Variants in MSH3 observed in about 807,000 individuals in gnomAD.
MSH3 encodes the protein DNA mismatch repair protein Msh3.
In MSH3, 106 loss-of-function variants were observed where a neutral mutation model predicts 123.3. The observed-to-expected ratio is 0.86, with a 90% CI of 0.73 to 1.01. The LOEUF (loss-of-function observed/expected upper bound fraction) is 1.01, where lower values mean the gene tolerates loss of function less well. MSH3 is among the 50% of genes least tolerant of loss of function. The pLI is 0.00. For missense variants in MSH3, 1,459 were observed against 1,347.6 expected, an observed-to-expected ratio of 1.08 and a Z score of -1.29; for synonymous variants, 515 against 481.4, an observed-to-expected ratio of 1.07 and a Z score of -0.91.
intron 20 of MSH3, among the ~76,000 whole-genome samples, chr5:80,837,983 G>A (rs1031923152): frequency 2.0e-5 from 3 of 152,198 alleles, no homozygotes; most frequent in Non-Finnish European, 2.9e-5. Flanking sequence ...AGCTCCTAGA[G>A]GATGCTTGCA....
intron 8 of MSH3, among the ~76,000 whole-genome samples, chr5:80,710,364 C>G (rs1750835198): frequency 6.6e-6 from 1 of 152,302 alleles, no homozygotes; most frequent in South Asian, 2.1e-4. Flanking sequence ...CTTCCTTCAC[C>G]TTTACTTTTG....
At position 80,810,945 on chromosome 5, in the gene MSH3, C is replaced by T. The variant is rs1211827377; in HGVS notation, c.2656-2639C>T. ...CTAAAATCTGAAATGCTCCAATGAG[C>T]ATTTCTTTTGAGCATCATATTGTTG... On this transcript the variant is annotated intron_variant, in intron 19 of 23. Coordinates refer to ENST00000265081, the MANE Select transcript of MSH3 (RefSeq NM_002439.5). Among the ~76,000 whole-genome samples, 3 of 151,796 alleles carry T rather than the reference C, an allele frequency of 2.0e-5. No homozygotes were observed. The South Asian group carries it at 6.2e-4, about 32-fold the overall frequency.
chr5:80,710,256 T>C (rs779490301), intron 8 of MSH3, among the ~76,000 whole-genome samples: 3 of 152,180 alleles, frequency 2.0e-5, no homozygotes, highest in South Asian at 2.1e-4. Context: ...ATACAATTAC[T>C]AAGTGGCAAA....
rs1031489545 is a variant in MSH3, at chr5:80,795,038, CT to C, written c.2655+2196del. On this transcript the variant is annotated intron_variant, in intron 19 of 23. Coordinates refer to ENST00000265081, the MANE Select transcript of MSH3 (RefSeq NM_002439.5). ...TTAGAAACAGAAGTACTAAGGAACT[CT>C]TCTGAGGACAGTGAAAGAATTGAGA... Among the ~76,000 whole-genome samples the C allele has an allele frequency of 2.0e-5, 3 of 149,298 alleles. No individual in the cohort carries two copies. The East Asian group carries it at 5.8e-4, about 29-fold the overall frequency.
intron 19 of MSH3, among the ~76,000 whole-genome samples, chr5:80,806,877 G>C (rs1235654099): frequency 6.6e-6 from 1 of 152,104 alleles, no homozygotes; most frequent in East Asian, 1.9e-4. Flanking sequence ...AGTAGATACA[G>C]TCAGTCCTCA....
chr5:80,722,094 C>T (rs1356665351), intron 8 of MSH3, among the ~76,000 whole-genome samples: 1 of 152,062 alleles, frequency 6.6e-6, no homozygotes, highest in Non-Finnish European at 1.5e-5. Context: ...TGAATTTTAA[C>T]CTAATTGTAA....
chr5:80,753,640 C>A (rs763718402), intron 12 of MSH3, among the ~76,000 whole-genome samples: 6 of 152,146 alleles, frequency 3.9e-5, no homozygotes, highest in Non-Finnish European at 7.3e-5. Context: ...AACACAAAGA[C>A]CCCAAAAAGT....
At position 80,654,894 on chromosome 5, in the gene MSH3, C is replaced by G. The variant is rs1289418176; in HGVS notation, c.167C>G (p.Ala56Gly). The change falls in exon 1 of 24, where the codon GCG (alanine) becomes GGG (glycine). Residue 56 changes from alanine (A) to glycine (G), a missense_variant. Transcript: ENST00000265081. The stretch of plus-strand genomic sequence containing the variant: ...GACCCTGGCGCTGCAGCGGCTGCAG[C>G]GGCCGCAGCGGCCGCAGCGCCCCCA... ...QVDPGAAAAAAAAAAAAPPAP... is the reference protein window; with the variant it reads ...QVDPGAAAAAGAAAAAAPPAP... 1.2e-6 allele frequency: 1 copy of G among 818,664 alleles called. No homozygotes were observed. The highest frequency in any genetic ancestry group is 2.6e-5 in the South Asian group (1 of 38,380). The allele number at this position is 818,664 out of a possible 1,614,324, so 50.7% of individuals were successfully genotyped here.
rs191897606 is a variant in MSH3 at position 80,658,268 on chromosome 5, A to G, written c.358+1737A>G. Among the ~76,000 whole-genome samples the G allele has an allele frequency of 8.0e-4, 122 of 152,130 alleles. 2 individuals are homozygous for G. The East Asian group carries it at 0.023, about 28-fold the overall frequency. ...GAGTCAGAGTTTTGCCATGTTGGCT[A>G]GGCTGGTCTCAAACTCCTGGCCTCA... is the stretch of plus-strand genomic sequence containing the variant. On this transcript the variant is annotated intron_variant, in intron 2 of 23. Coordinates refer to ENST00000265081, the MANE Select transcript of MSH3 (RefSeq NM_002439.5).
intron 7 of MSH3, among the ~76,000 whole-genome samples, chr5:80,675,396 C>A (rs535302621): frequency 1.4e-4 from 21 of 152,102 alleles, no homozygotes; most frequent in Non-Finnish European, 1.9e-4. Flanking sequence ...GTTTAATTGG[C>A]TCATGGTTCC....
chr5:80,747,635 C>T (rs1000975957), intron 12 of MSH3, among the ~76,000 whole-genome samples: 2 of 152,134 alleles, frequency 1.3e-5, no homozygotes, highest in African/African-American at 4.8e-5. Flanking sequence ...GCTGATTAGT[C>T]AGTGGCTCAG....
chr5:80,850,872 C>T (rs1030163583), intron 20 of MSH3, among the ~76,000 whole-genome samples: 1 of 152,086 alleles, frequency 6.6e-6, no homozygotes, highest in Non-Finnish European at 1.5e-5. Flanking sequence ...AATGTGTTTG[C>T]TACTCATATA....
intron 12 of MSH3, 40 bp from the exon 13 acceptor site, chr5:80,761,506 C>T (rs1232664738): frequency 1.9e-6 from 3 of 1,612,346 alleles, no homozygotes; most frequent in Non-Finnish European, 2.5e-6. Flanking sequence ...ATTCTGAATT[C>T]CTAACATATC....
rs1391263628 is a variant in MSH3 at position 80,679,050 on chromosome 5, T to C, written c.1297T>C (p.Ser433Pro). The change falls in exon 8 of 24, where the codon TCC (serine) becomes CCC (proline). Residue 433 changes from serine to proline, a missense_variant. Physicochemically the swap from Ser to Pro is moderately conservative, Grantham distance 74. Coordinates refer to ENST00000265081, the MANE Select transcript of MSH3 (RefSeq NM_002439.5). ...AGAGCTGCTGCTTCCTTCGGCCTTG[T>C]CCGAGCAAACAGAGGCGCTCATCCA... Reference protein sequence around the residue: ...PVELLLPSALSEQTEALIHRA... With the variant: ...PVELLLPSALPEQTEALIHRA... 1 of 1,614,098 alleles carries C rather than the reference T, an allele frequency of 6.2e-7. No homozygotes were observed. Among genetic ancestry groups the C allele is most frequent in the Non-Finnish European group, 8.5e-7 (1 of 1,180,014 alleles).
chr5:80,681,202 T>A (rs1189854107), intron 8 of MSH3, among the ~76,000 whole-genome samples: 3 of 152,196 alleles, frequency 2.0e-5, no homozygotes. Context: ...AATCCTTTTC[T>A]GACCATGTGT....
intron 19 of MSH3, among the ~76,000 whole-genome samples, chr5:80,797,999 G>C (rs1328819733): frequency 1.3e-5 from 2 of 152,074 alleles, no homozygotes; most frequent in Non-Finnish European, 2.9e-5. Flanking sequence ...GTTAAAGTCG[G>C]GGTTTTCAGT....
At chr5:80,733,264 A>G (rs1561459599) in intron 10 of MSH3, among the ~76,000 whole-genome samples, 1 of 152,166 alleles carries the variant, frequency 6.6e-6, no homozygotes, top group African/African-American at 2.4e-5. Flanking sequence ...TGGTGCCAAG[A>G]TAACTGTCTG....
At chr5:80,690,200 T>C (rs1750196664) in intron 8 of MSH3, among the ~76,000 whole-genome samples, 1 of 152,138 alleles carries the variant, frequency 6.6e-6, no homozygotes, top group Admixed American at 6.6e-5. Context: ...ATTATAGGCA[T>C]GAGCGACTGC....
At chr5:80,755,228 T>C (rs1261551014) in intron 12 of MSH3, among the ~76,000 whole-genome samples, 1 of 152,218 alleles carries the variant, frequency 6.6e-6, no homozygotes, top group African/African-American at 2.4e-5. Flanking sequence ...TGCCTCTTAC[T>C]GTTTGTCCCG....
Sources: gnomAD v4.1 joint callset for allele counts (sites outside exome capture counted in the v4.1 genomes callset) on GRCh38, gnomAD v4.1.1 for gene constraint, MANE v1.5 for transcripts, NCBI Gene and HGNC (gene_info 2026-07-23, HGNC 2026-07-21) for gene names.